RPAP2: variants seen among roughly 807,000 people sequenced by gnomAD.
The protein encoded by RPAP2 is RNA polymerase II associated protein 2, also known as putative RNA polymerase II subunit B1 CTD phosphatase RPAP2.
RPAP2 carries 52 observed loss-of-function variants against 73.1 expected under a neutral mutation model. That is an observed-to-expected ratio of 0.71 (90% CI 0.57 to 0.90). RPAP2 has a LOEUF of 0.90. Ranked by LOEUF, RPAP2 falls within the 40% of genes least tolerant of loss-of-function variation. RPAP2 has a pLI of 0.00. For missense variants in RPAP2, 598 were observed against 701.8 expected (o/e 0.85, Z 1.67); for synonymous variants, 225 against 242.1 (o/e 0.93, Z 0.65).
chr1:92,304,147 T>C (rs1487854308), intron 4 of RPAP2, 72 bp downstream of exon 4: 2 of 1,307,012 alleles, frequency 1.5e-6, no homozygotes, highest in Non-Finnish European at 2.2e-6. Flanking sequence ...GTTGTAAGAA[T>C]AAGAAATAAA....
intron 11 of RPAP2, among the ~76,000 whole-genome samples, chr1:92,379,535 T>C (rs1655529959): frequency 6.6e-6 from 1 of 152,216 alleles, no homozygotes; most frequent in South Asian, 2.1e-4. Flanking sequence ...AGAGTCAATC[T>C]TTAGGAGTAC....
intron 11 of RPAP2, among the ~76,000 whole-genome samples, chr1:92,372,803 T>G (rs1655207654): frequency 6.6e-6 from 1 of 152,060 alleles, no homozygotes; most frequent in African/African-American, 2.4e-5. Flanking sequence ...CAGCTATTAA[T>G]ACTTTGGAGG....
chr1:92,323,632 A>G lies in RPAP2; in HGVS notation c.712A>G (p.Ile238Val). The change falls in exon 8 of 13, where the codon ATT becomes GTT. Residue 238 changes from isoleucine to valine, a missense_variant. By Grantham distance (29) the Ile-to-Val change is conservative (BLOSUM62 3). Transcript: ENST00000610020. The part of the protein sequence containing the change: ...LPGNRPNSTN[I>V]RPQLHQKSIM... ...AGGAAACAGACCAAATTCAACAAATATTAGACCACAGCTGCACCAAAAAAG... is the reference window on the plus strand; with the variant it reads ...AGGAAACAGACCAAATTCAACAAATGTTAGACCACAGCTGCACCAAAAAAG... The G allele has an allele frequency of 6.2e-7, 1 of 1,614,112 alleles. No individual in the cohort carries two copies. Among genetic ancestry groups the G allele is most frequent in the Non-Finnish European group, 8.5e-7 (1 of 1,180,002 alleles).
chr1:92,323,673 A>C lies in RPAP2; in HGVS notation c.753A>C (p.Lys251Asn), dbSNP rs761413294. ...ACCAAAAAAGCATAATGAAAAAGAA[A>C]GCTGGTCACAAAGCTAACTCCAAAC... ...QLHQKSIMKK[K>N]AGHKANSKHK... Residue 251 changes from lysine to asparagine, a missense_variant, in exon 8 of 13, where the codon AAA (lysine) becomes AAC (asparagine). Around this residue, in one of 3 missense-constraint regions of RPAP2, gnomAD observed 506 missense variants for 612.8 expected, o/e 0.83. Coordinates refer to ENST00000610020, the MANE Select transcript of RPAP2 (RefSeq NM_024813.3). The C allele has an allele frequency of 6.2e-7, 1 of 1,613,704 alleles. No individual in the cohort carries two copies. Among genetic ancestry groups the C allele is most frequent in the Admixed American group, 1.7e-5 (1 of 59,904 alleles).
chr1:92,348,171 G>A (rs903626977), intron 11 of RPAP2, among the ~76,000 whole-genome samples: 1 of 152,178 alleles, frequency 6.6e-6, no homozygotes, highest in Non-Finnish European at 1.5e-5. Flanking sequence ...TTACAGGCAT[G>A]AGCCACTGCA....
In RPAP2 at chr1:92,387,956, A is replaced by C. The variant is rs1655924678; in HGVS notation, c.*945A>C. On this transcript the variant is annotated 3_prime_UTR_variant, in exon 13 of 13. Transcript: ENST00000610020. ...ACTAAATTTTATCTCTGTATGGGCA[A>C]AGGCTACTGTCATCCTGTTGTTGGT... 1 of 152,220 alleles carries C rather than the reference A, an allele frequency of 6.6e-6. No homozygotes were observed. Among genetic ancestry groups the C allele is most frequent in the Non-Finnish European group, 1.5e-5 (1 of 68,040 alleles). 9.4% of individuals were successfully genotyped at this position (152,220 alleles called of 1,614,324 possible).
At chr1:92,323,314 T>A (rs985655789) in intron 7 of RPAP2, 131 bp from the exon 8 acceptor site, 4 of 506,720 alleles carry the variant, frequency 7.9e-6, no homozygotes, top group Non-Finnish European at 1.3e-5. Context: ...TAAGGTTTTG[T>A]CTGGGGAATA....
At chr1:92,351,305 C>CAAAAAAAAAAAAAAA (rs60111119) in intron 11 of RPAP2, among the ~76,000 whole-genome samples, 8 of 86,836 alleles carry the variant, frequency 9.2e-5, no homozygotes, top group African/African-American at 3.4e-4. Flanking sequence ...GACTCTGTCT[C>CAAAAAAAAAAAAAAA]AAAAAAAAAA....
intron 11 of RPAP2, among the ~76,000 whole-genome samples, chr1:92,367,426 C>T (rs1404810430): frequency 6.6e-6 from 1 of 152,178 alleles, no homozygotes; most frequent in East Asian, 1.9e-4. Context: ...AAGTGATAAA[C>T]ATAGTGCCTG....
intron 11 of RPAP2, among the ~76,000 whole-genome samples, chr1:92,353,225 G>A (rs1654303879): frequency 6.6e-6 from 1 of 152,068 alleles, no homozygotes; most frequent in Non-Finnish European, 1.5e-5. Context: ...TAGAATTGCT[G>A]GGTCATATGA....
intron 10 of RPAP2, among the ~76,000 whole-genome samples, chr1:92,339,248 T>C (rs1329883301): frequency 6.6e-6 from 1 of 152,130 alleles, no homozygotes; most frequent in Non-Finnish European, 1.5e-5. Context: ...TGAGATTTGC[T>C]CAAATTTGGA....
intron 11 of RPAP2, among the ~76,000 whole-genome samples, chr1:92,355,174 CA>C (rs1410264903): frequency 1.3e-5 from 2 of 151,906 alleles, no homozygotes; most frequent in African/African-American, 4.8e-5. Context: ...TTTTATTTAA[CA>C]TTTTTTTTAA....
intron 11 of RPAP2, among the ~76,000 whole-genome samples, chr1:92,357,972 G>C (rs1654561800): frequency 6.6e-6 from 1 of 152,180 alleles, no homozygotes; most frequent in Admixed American, 6.5e-5. Flanking sequence ...TGTTGCCTAG[G>C]CTGCGGTGCA....
chr1:92,302,206 G>A (rs1027018351), intron 3 of RPAP2, among the ~76,000 whole-genome samples: 2 of 152,032 alleles, frequency 1.3e-5, no homozygotes, highest in Admixed American at 6.6e-5. Flanking sequence ...GAACTCAGGA[G>A]GCAGACGTTG....
chr1:92,349,338 A>G (rs1654079748), intron 11 of RPAP2, among the ~76,000 whole-genome samples: 1 of 152,206 alleles, frequency 6.6e-6, no homozygotes, highest in Non-Finnish European at 1.5e-5. Flanking sequence ...CTATAATAGC[A>G]TTTGTTTAAT....
chr1:92,334,339 C>A (rs925724828), intron 9 of RPAP2, among the ~76,000 whole-genome samples: 5 of 151,544 alleles, frequency 3.3e-5, no homozygotes, highest in Non-Finnish European at 5.9e-5. Flanking sequence ...TTTATTTGAA[C>A]CAACCAATTG....
intron 6 of RPAP2, 21 bp downstream of exon 6, chr1:92,307,297 T>C: frequency 4.7e-6 from 7 of 1,476,410 alleles, no homozygotes; most frequent in African/African-American, 1.4e-5. Context: ...TCATTGTGTA[T>C]ATACATTTGT....
At chr1:92,358,903 T>A (rs1036911152) in intron 11 of RPAP2, among the ~76,000 whole-genome samples, 2 of 151,844 alleles carry the variant, frequency 1.3e-5, no homozygotes, top group Non-Finnish European at 2.9e-5. Flanking sequence ...TCTTTAAATT[T>A]AAAAAAAACA....
intron 10 of RPAP2, among the ~76,000 whole-genome samples, chr1:92,343,609 C>G (rs924490059): frequency 2.0e-5 from 3 of 151,972 alleles, no homozygotes; most frequent in Non-Finnish European, 4.4e-5. Flanking sequence ...TTAAAGAAAA[C>G]ATTATAATTA....
Sources: allele counts gnomAD v4.1 joint callset (sites outside exome capture counted in the v4.1 genomes callset), GRCh38; gene constraint gnomAD v4.1.1; regional missense constraint gnomAD v4.1.1; transcripts MANE v1.5; gene names NCBI Gene and HGNC (gene_info 2026-07-23, HGNC 2026-07-21).